WBP1L: variants seen among roughly 807,000 people sequenced by gnomAD.
WBP1L encodes WW domain binding protein 1-like.
A neutral mutation model predicts 33.7 loss-of-function variants in WBP1L; 17 were observed. The observed-to-expected ratio is 0.50, with a 90% CI of 0.34 to 0.76. The LOEUF (loss-of-function observed/expected upper bound fraction) is 0.76, where lower values mean the gene tolerates loss of function less well. Ranked by LOEUF, WBP1L falls within the 30% of genes least tolerant of loss-of-function variation. The pLI is 0.01. For synonymous variants in WBP1L, 173 were observed against 190.8 expected (o/e 0.91, Z 0.77); for missense variants, 389 against 469.4 (o/e 0.83, Z 1.58).
At chr10:102,770,233 G>C (rs1843169579) in intron 1 of WBP1L, among the ~76,000 whole-genome samples, 1 of 152,148 alleles carries the variant, frequency 6.6e-6, no homozygotes, top group South Asian at 2.1e-4. Flanking sequence ...TGAGGTTTGA[G>C]TTAGTATTCA....
intron 1 of WBP1L, among the ~76,000 whole-genome samples, chr10:102,795,487 G>T (rs1341153877): frequency 6.6e-6 from 1 of 152,152 alleles, no homozygotes; most frequent in Non-Finnish European, 1.5e-5. Flanking sequence ...TTTATTCCAG[G>T]CCCCCTGCCT....
At chr10:102,764,027 C>T (rs760947918) in intron 1 of WBP1L, among the ~76,000 whole-genome samples, 4 of 151,994 alleles carry the variant, frequency 2.6e-5, no homozygotes, top group East Asian at 3.9e-4. Context: ...TTGGCGAGGT[C>T]GGTCTCAAAC....
chr10:102,781,092 A>G (rs1351623563), intron 1 of WBP1L, among the ~76,000 whole-genome samples: 1 of 152,182 alleles, frequency 6.6e-6, no homozygotes, highest in Non-Finnish European at 1.5e-5. Context: ...GGCTGTTTGT[A>G]TTTTTGAAAG....
chr10:102,762,738 C>G (rs896700772), intron 1 of WBP1L, among the ~76,000 whole-genome samples: 2 of 152,098 alleles, frequency 1.3e-5, no homozygotes, highest in Admixed American at 1.3e-4. Context: ...TTCAGAGAAA[C>G]GTGGAAAAAT....
intron 1 of WBP1L, among the ~76,000 whole-genome samples, chr10:102,763,838 G>C (rs969978018): frequency 6.6e-6 from 1 of 152,148 alleles, no homozygotes; most frequent in Non-Finnish European, 1.5e-5. Context: ...TTTTGAGACA[G>C]AGTCTCGCTC....
At chr10:102,746,438 C>T (rs1041136761) in intron 1 of WBP1L, among the ~76,000 whole-genome samples, 1 of 152,076 alleles carries the variant, frequency 6.6e-6, no homozygotes, top group East Asian at 1.9e-4. Flanking sequence ...CCTGACGCTC[C>T]CTATACAATT....
intron 3 of WBP1L, among the ~76,000 whole-genome samples, chr10:102,810,958 C>G (rs1376943737): frequency 6.7e-6 from 1 of 149,888 alleles, no homozygotes; most frequent in Non-Finnish European, 1.5e-5. Flanking sequence ...CTTTCTTTCC[C>G]TTCCTTCTTC....
intron 2 of WBP1L, among the ~76,000 whole-genome samples, chr10:102,806,860 G>T (rs1843744159): frequency 6.6e-6 from 1 of 152,182 alleles, no homozygotes; most frequent in Non-Finnish European, 1.5e-5. Flanking sequence ...GGGGGACAGA[G>T]AAAGAGCTGT....
chr10:102,791,301 G>A (rs1843494090), intron 1 of WBP1L, among the ~76,000 whole-genome samples: 1 of 151,780 alleles, frequency 6.6e-6, no homozygotes, highest in Non-Finnish European at 1.5e-5. Context: ...AGTGATTGTT[G>A]TATAGCCAGG....
At chr10:102,752,279 T>C (rs1842931426) in intron 1 of WBP1L, among the ~76,000 whole-genome samples, 1 of 152,168 alleles carries the variant, frequency 6.6e-6, no homozygotes, top group Non-Finnish European at 1.5e-5. Flanking sequence ...GCTGTGGCCT[T>C]ACCAGGTCCT....
intron 1 of WBP1L, among the ~76,000 whole-genome samples, chr10:102,774,883 G>T (rs1383517772): frequency 3.3e-5 from 5 of 152,078 alleles, no homozygotes; most frequent in Non-Finnish European, 7.4e-5. Flanking sequence ...GGAGGCTAAG[G>T]TGGGCAGATC....
chr10:102,801,731 G>A (rs1356805034), intron 2 of WBP1L, among the ~76,000 whole-genome samples: 1 of 152,036 alleles, frequency 6.6e-6, no homozygotes, highest in African/African-American at 2.4e-5. Flanking sequence ...GGAGGGAGAG[G>A]GGTATGTTTC....
intron 1 of WBP1L, among the ~76,000 whole-genome samples, chr10:102,789,900 G>A (rs1013451259): frequency 7.9e-5 from 12 of 151,698 alleles, no homozygotes; most frequent in Admixed American, 5.3e-4. Context: ...CCGCCACCAC[G>A]CCCAGCTAAT....
At chr10:102,790,071 A>G (rs1389005760) in intron 1 of WBP1L, among the ~76,000 whole-genome samples, 2 of 152,068 alleles carry the variant, frequency 1.3e-5, no homozygotes, top group Non-Finnish European at 2.9e-5. Context: ...CTTATATAGA[A>G]AATTTTTAGT....
In WBP1L at chr10:102,810,438, T is replaced by C. The variant is rs546396918; in HGVS notation, c.355+384T>C. Among the ~76,000 whole-genome samples, 706 of 132,982 alleles carry C rather than the reference T, an allele frequency of 5.3e-3. 9 individuals carry two copies. The highest frequency in any genetic ancestry group is 0.019 in the African/African-American group (662 of 35,592). 87.2% of individuals were successfully genotyped at this position (132,982 alleles called of 152,430 possible). A position where few individuals can be genotyped will look rare whatever the true frequency, so the allele number is the denominator to read the frequency against. Reference sequence around the variant, plus strand: ...CTTTCCCTGCCTGCCTGCCTTTCCATCCCTCCCTCCCTCCCTTCTTTTCCT... The same window carrying C: ...CTTTCCCTGCCTGCCTGCCTTTCCACCCCTCCCTCCCTCCCTTCTTTTCCT... On this transcript the variant is annotated intron_variant, in intron 3 of 3. Coordinates refer to ENST00000448841, the MANE Select transcript of WBP1L (RefSeq NM_001083913.2).
chr10:102,798,985 G>A (rs1166569584), intron 2 of WBP1L, among the ~76,000 whole-genome samples: 1 of 152,216 alleles, frequency 6.6e-6, no homozygotes, highest in Non-Finnish European at 1.5e-5. Context: ...TCACATGGAA[G>A]TTCCTGGAGG....
intron 1 of WBP1L, among the ~76,000 whole-genome samples, chr10:102,792,627 T>C (rs537444469): frequency 2.9e-4 from 43 of 146,358 alleles, no homozygotes; most frequent in Non-Finnish European, 5.4e-4. Context: ...AGTGTTTCGC[T>C]CTTGTTGCCC....
chr10:102,772,868 C>A (rs911337675), intron 1 of WBP1L, among the ~76,000 whole-genome samples: 1 of 151,858 alleles, frequency 6.6e-6, no homozygotes, highest in Non-Finnish European at 1.5e-5. Context: ...TGGTGCCCAG[C>A]CAACCTGCAA....
intron 1 of WBP1L, among the ~76,000 whole-genome samples, chr10:102,750,199 G>A (rs1842911729): frequency 6.6e-6 from 1 of 151,452 alleles, no homozygotes. Context: ...TTTGAGGTCA[G>A]GAGTTCTAGA....
Sources: gnomAD v4.1 joint callset for allele counts (sites outside exome capture counted in the v4.1 genomes callset) on GRCh38, gnomAD v4.1.1 for gene constraint, MANE v1.5 for transcripts, NCBI Gene and HGNC (gene_info 2026-07-23, HGNC 2026-07-21) for gene names.